Variants in ZNF395 observed in about 807,000 individuals in gnomAD.
ZNF395 encodes the protein HD gene regulatory region-binding protein 2.
In ZNF395, 20 loss-of-function variants were observed where a neutral mutation model predicts 57.7. The observed-to-expected ratio is 0.35, with a 90% CI of 0.24 to 0.50. The LOEUF (loss-of-function observed/expected upper bound fraction) is 0.50. Among genes scored for constraint, ZNF395 ranks in the 20% least tolerant of loss-of-function variants. The pLI is 0.97. For missense variants in ZNF395, 606 were observed against 671.2 expected (o/e 0.90, Z 1.07); for synonymous variants, 295 against 275.9 (o/e 1.07, Z -0.69).
Position 28,353,249 on chromosome 8 carries a change from G to T in ZNF395, c.743C>A (p.Ser248Tyr), listed in dbSNP as rs1563336820. 1 of 1,394,442 alleles carries T rather than the reference G, an allele frequency of 7.2e-7. No individual in the cohort carries two copies. Among genetic ancestry groups the T allele is most frequent in the Non-Finnish European group, 9.6e-7 (1 of 1,042,318 alleles). The allele number at this position is 1,394,442 out of a possible 1,614,324, so 86.4% of individuals were successfully genotyped here. Residue 248 changes from serine (S) to tyrosine (Y), a missense_variant, in exon 5 of 10, where the codon TCT (serine) becomes TAT (tyrosine). Physicochemically the swap from Ser to Tyr is moderately radical, Grantham distance 144. Transcript: ENST00000344423. ...CTCAAAGCCATGATCAGTTTGGGGA[G>T]AACCAAAAGCATCCCCCAAATACTT... ...SPKYLGDAFG[S>Y]PQTDHGFETD...
At chr8:28,382,152 A>C (rs2130000111) in intron 1 of ZNF395, among the ~76,000 whole-genome samples, 1 of 152,264 alleles carries the variant, frequency 6.6e-6, no homozygotes, top group African/African-American at 2.4e-5. Context: ...GGCAAAAGGA[A>C]GCCCGGGGAC....
chr8:28,376,420 C>T (rs1283378815), intron 1 of ZNF395, among the ~76,000 whole-genome samples: 2 of 152,036 alleles, frequency 1.3e-5, no homozygotes, highest in Non-Finnish European at 2.9e-5. Context: ...AGTTCAAGAC[C>T]AGCCTGGCCA....
At chr8:28,381,014 A>T (rs937100905) in intron 1 of ZNF395, among the ~76,000 whole-genome samples, 5 of 134,316 alleles carry the variant, frequency 3.7e-5, no homozygotes, top group Middle Eastern at 3.7e-3. Context: ...ACACCCTGCT[A>T]GTGTGTGTGT....
intron 7 of ZNF395, chr8:28,351,280 A>C (rs1341581518): frequency 4.0e-6 from 2 of 500,934 alleles, no homozygotes; most frequent in Non-Finnish European, 6.9e-6. Flanking sequence ...CTAGATTCCT[A>C]GTAACCACTC....
At chr8:28,386,171 C>A (rs1802178067) in intron 1 of ZNF395, 1 of 149,180 alleles carries the variant, frequency 6.7e-6, no homozygotes, top group Non-Finnish European at 1.5e-5. Context: ...CGGTTGGCGC[C>A]CACCTGGCCG....
In ZNF395 at chr8:28,349,160, G is replaced by C. The variant is rs75444725; in HGVS notation, c.1395C>G (p.Ile465Met). The change falls in exon 9 of 10, where the codon ATC becomes ATG. Residue 465 changes from isoleucine (I) to methionine (M), a missense_variant. Ile to Met is a conservative substitution (Grantham distance 10). Transcript: ENST00000344423. ...TCTGGGCCCGGGGTGGAGAAGTGAC[G>C]ATCAGATGAGATTTCATCGCAGGTG... ...QPAPAMKSHLIVTSPPRAQSG... is the reference protein window; with the variant it reads ...QPAPAMKSHLMVTSPPRAQSG... The C allele has an allele frequency of 6.4e-7, 1 of 1,565,524 alleles. No homozygotes were observed.
At chr8:28,365,553 T>C (rs1339290804) in intron 1 of ZNF395, 1 of 152,182 alleles carries the variant, frequency 6.6e-6, no homozygotes, top group Non-Finnish European at 1.5e-5. Flanking sequence ...ATAACAGTAG[T>C]TCAACACACA....
chr8:28,351,415 G>C (rs1801680645), intron 7 of ZNF395, 80 bp downstream of exon 7: 2 of 1,460,912 alleles, frequency 1.4e-6, no homozygotes, highest in African/African-American at 1.4e-5. Flanking sequence ...CTTCCATCAG[G>C]GTGGTCGGTA....
chr8:28,385,402 G>GC (rs3832542), intron 1 of ZNF395: 46,420 of 145,240 alleles, frequency 0.32, 8,070 homozygotes, highest in Admixed American at 0.41. Context: ...GTGCAGCCCC[G>GC]CCCCCCCCCC....
chr8:28,354,428 CT>C (rs918010900), intron 4 of ZNF395, among the ~76,000 whole-genome samples: 3 of 152,226 alleles, frequency 2.0e-5, no homozygotes, highest in African/African-American at 4.8e-5. Context: ...ACAGAGCCCC[CT>C]AACCCTGGAT....
chr8:28,370,164 A>G (rs928403132), intron 1 of ZNF395, among the ~76,000 whole-genome samples: 1 of 152,126 alleles, frequency 6.6e-6, no homozygotes, highest in African/African-American at 2.4e-5. Context: ...TCCATTTTTG[A>G]CATCAGTTAG....
chr8:28,381,277 G>A (rs1265990992), intron 1 of ZNF395, among the ~76,000 whole-genome samples: 2 of 152,068 alleles, frequency 1.3e-5, no homozygotes, highest in Non-Finnish European at 2.9e-5. Context: ...TCCTGACCTC[G>A]TGATCCGCCC....
intron 3 of ZNF395, among the ~76,000 whole-genome samples, chr8:28,357,287 AGAAAAATGGTAAG>A (rs1361380876): frequency 2.0e-5 from 3 of 152,194 alleles, no homozygotes; most frequent in Admixed American, 2.0e-4. Context: ...CCCTCCCCCA[AGAAAAATGGTAAG>A]GCATTCTGAC....
At chr8:28,353,699 C>T (rs1205222312) in intron 4 of ZNF395, among the ~76,000 whole-genome samples, 1 of 151,930 alleles carries the variant, frequency 6.6e-6, no homozygotes, top group Non-Finnish European at 1.5e-5. Flanking sequence ...GCTATGTTGC[C>T]CAGGCCGGTC....
intron 1 of ZNF395, chr8:28,385,537 G>A: frequency 6.6e-6 from 1 of 150,926 alleles, no homozygotes; most frequent in Non-Finnish European, 1.5e-5. Flanking sequence ...GACGCGGGTC[G>A]CCCGCGGGCG....
At chr8:28,354,844 T>C (rs1318598713) in intron 4 of ZNF395, among the ~76,000 whole-genome samples, 1 of 148,668 alleles carries the variant, frequency 6.7e-6, no homozygotes, top group African/African-American at 2.5e-5. Context: ...AGAAGGGCAG[T>C]GAGCAGAATA....
intron 1 of ZNF395, among the ~76,000 whole-genome samples, chr8:28,382,211 G>A (rs1585867460): frequency 1.3e-5 from 2 of 152,106 alleles, no homozygotes. Flanking sequence ...AGCTTGAGAT[G>A]AACACCAGAT....
At chr8:28,349,568 C>T (rs912305571) in intron 8 of ZNF395, among the ~76,000 whole-genome samples, 4 of 152,178 alleles carry the variant, frequency 2.6e-5, no homozygotes, top group African/African-American at 7.2e-5. Context: ...AGTGTGACAC[C>T]GCCCTGCAGG....
At chr8:28,368,654 CAAAAGCTGCCAATTAAAAAAAAAAAA>C (rs776067803) in intron 1 of ZNF395, 1 of 141,298 alleles carries the variant, frequency 7.1e-6, no homozygotes, top group African/African-American at 2.7e-5. Flanking sequence ...TAACAACAAG[CAAAAGCTGCCAATTAAAAAAAAAAAA>C]AAAAGCTGCC....
Sources: gnomAD v4.1 joint callset for allele counts (sites outside exome capture counted in the v4.1 genomes callset) on GRCh38, gnomAD v4.1.1 for gene constraint, MANE v1.5 for transcripts, NCBI Gene and HGNC (gene_info 2026-07-23, HGNC 2026-07-21) for gene names.